Variants in RNF130 observed in about 807,000 individuals in gnomAD.
The protein encoded by RNF130 is E3 ubiquitin-protein ligase RNF130.
A neutral mutation model predicts 44.6 loss-of-function variants in RNF130; 21 were observed. The ratio of observed to expected loss-of-function variants is 0.47; its 90% CI spans 0.33 to 0.68. RNF130 has a LOEUF of 0.68. Ranked by LOEUF, RNF130 falls within the 30% of genes least tolerant of loss-of-function variation. The pLI is 0.02. For missense variants in RNF130, 479 were observed against 560.6 expected (o/e 0.85, Z 1.47); for synonymous variants, 214 against 210.4 (o/e 1.02, Z -0.15).
exon 8 of RNF130, chr5:179,918,003 C>T (rs1018949403): frequency 6.6e-6 from 1 of 152,028 alleles, no homozygotes; most frequent in Non-Finnish European, 1.5e-5. Context: ...GAGACTGTCT[C>T]AAAACAAAAA....
At chr5:180,017,135 A>T (rs1763758561) in intron 2 of RNF130, among the ~76,000 whole-genome samples, 1 of 152,210 alleles carries the variant, frequency 6.6e-6, no homozygotes, top group East Asian at 1.9e-4. Flanking sequence ...CGGTCCATTC[A>T]TCACAACACT....
At chr5:179,996,233 A>G (rs976195402) in intron 3 of RNF130, among the ~76,000 whole-genome samples, 1 of 152,142 alleles carries the variant, frequency 6.6e-6, no homozygotes, top group African/African-American at 2.4e-5. Flanking sequence ...AATAAGATGG[A>G]CTTCTTGATT....
At chr5:179,932,294 G>C (rs568011891) in intron 7 of RNF130, among the ~76,000 whole-genome samples, 93 of 152,052 alleles carry the variant, frequency 6.1e-4, no homozygotes, top group South Asian at 8.3e-4. Flanking sequence ...GTCTCGCCCT[G>C]TTGCCTAGGC....
chr5:179,998,868 T>C (rs1763265537), intron 3 of RNF130, among the ~76,000 whole-genome samples: 2 of 126,842 alleles, frequency 1.6e-5, no homozygotes, highest in Admixed American at 1.6e-4. Context: ...TTTATATATA[T>C]ATATATATAT....
In RNF130 at chr5:180,000,319, G is replaced by C. The variant is rs1763303540; in HGVS notation, c.693+12742C>G. On this transcript the variant is annotated intron_variant, in intron 3 of 8. Coordinates refer to ENST00000521389, the MANE Select transcript of RNF130 (RefSeq NM_018434.6). ...TTATGTGACTTGATGCTGTTCTCTT[G>C]CTGTTTTGTGAACTCTTTCACTCTC... Among the ~76,000 whole-genome samples, 4 of 152,258 alleles carry C rather than the reference G, an allele frequency of 2.6e-5. No individual in the cohort carries two copies. The Middle Eastern group carries it at 0.01, about 388-fold the overall frequency.
At chr5:180,052,783 T>C (rs923696032) in intron 1 of RNF130, among the ~76,000 whole-genome samples, 11 of 151,944 alleles carry the variant, frequency 7.2e-5, no homozygotes, top group African/African-American at 2.4e-4. Context: ...CTACGGAGGA[T>C]TACAGAAAAA....
At chr5:179,916,813 T>G (rs1056683807) in exon 8 of RNF130, 1 of 152,472 alleles carries the variant, frequency 6.6e-6, no homozygotes, top group Non-Finnish European at 1.5e-5. Context: ...CCTCCTGCGC[T>G]GGAAGCCCTG....
chr5:179,929,017 A>G (rs904286065), intron 7 of RNF130, among the ~76,000 whole-genome samples: 4 of 152,172 alleles, frequency 2.6e-5, no homozygotes, highest in Non-Finnish European at 4.4e-5. Flanking sequence ...GGGCTTTTTC[A>G]GTCCAGTTGA....
downstream of RNF130, among the ~76,000 whole-genome samples, chr5:179,950,490 A>T (rs959206119): frequency 2.6e-5 from 4 of 152,242 alleles, no homozygotes; most frequent in African/African-American, 9.6e-5. Flanking sequence ...GTGCAAATGC[A>T]TGCACATGTG....
intron 5 of RNF130, among the ~76,000 whole-genome samples, chr5:179,976,286 G>T (rs1475728705): frequency 1.3e-5 from 2 of 152,220 alleles, no homozygotes. Flanking sequence ...TCCCCTGAGG[G>T]AAGATCCCCT....
exon 8 of RNF130, chr5:179,918,178 A>G (rs570016720): frequency 1.3e-5 from 2 of 152,266 alleles, no homozygotes; most frequent in East Asian, 3.9e-4. Flanking sequence ...CAGGATCCAC[A>G]GCACTGTTCT....
chr5:179,915,258 G>T (rs1561656357), exon 8 of RNF130: 1 of 151,838 alleles, frequency 6.6e-6, no homozygotes, highest in East Asian at 1.9e-4. Context: ...GATCCTGGGA[G>T]GCGGAGCTTG....
chr5:180,040,475 C>T lies in RNF130; in HGVS notation c.420G>A (p.Glu140=), dbSNP rs182236041. The change falls in exon 2 of 9, where the codon GAG becomes GAA. Residue 140 remains glutamate, a synonymous_variant. Transcript: ENST00000521389. The stretch of plus-strand genomic sequence containing the variant: ...TACCTGGATGAGTCATGGTAACTGG[C>T]TCCTCTTTGGATTTATTATTGTAGA... ...VVIYNNKSKE[E]PVTMTHPGTG... 1.2e-6 allele frequency: 2 copies of T among 1,612,778 alleles called. No homozygotes were observed. Among genetic ancestry groups the T allele is most frequent in the Admixed American group, 1.7e-5 (1 of 59,786 alleles).
intron 3 of RNF130, among the ~76,000 whole-genome samples, chr5:179,988,260 T>C (rs1038810696): frequency 6.6e-6 from 1 of 152,230 alleles, no homozygotes; most frequent in Non-Finnish European, 1.5e-5. Flanking sequence ...TGATCCTTTG[T>C]ATTTTGTTGG....
chr5:179,950,505 C>T (rs546237251), downstream of RNF130, among the ~76,000 whole-genome samples: 107 of 152,270 alleles, frequency 7.0e-4, 1 homozygote, highest in African/African-American at 2.4e-3. Flanking sequence ...CATGTGCACA[C>T]AAAATATACC....
At chr5:179,994,716 T>A (rs1763163271) in intron 3 of RNF130, among the ~76,000 whole-genome samples, 1 of 152,196 alleles carries the variant, frequency 6.6e-6, no homozygotes, top group African/African-American at 2.4e-5. Context: ...GCAATGGTGG[T>A]AAAAGAAGTC....
intron 2 of RNF130, among the ~76,000 whole-genome samples, chr5:180,018,292 C>T (rs762256238): frequency 1.8e-3 from 100 of 55,158 alleles, no homozygotes; most frequent in Non-Finnish European, 2.8e-3. Flanking sequence ...GAGACTCCAT[C>T]TCAAAAAAAA....
intron 7 of RNF130, among the ~76,000 whole-genome samples, chr5:179,949,625 A>G (rs1762096041): frequency 6.6e-6 from 1 of 152,250 alleles, no homozygotes; most frequent in Admixed American, 6.5e-5. Flanking sequence ...TAAATAGTAA[A>G]CAAAAATTAT....
At chr5:180,057,042 C>T (rs1170642686) in intron 1 of RNF130, among the ~76,000 whole-genome samples, 1 of 152,214 alleles carries the variant, frequency 6.6e-6, no homozygotes, top group African/African-American at 2.4e-5. Context: ...GTGAGAGGAG[C>T]ATGTTTTCTT....
Sources: allele counts gnomAD v4.1 joint callset (sites outside exome capture counted in the v4.1 genomes callset), GRCh38; gene constraint gnomAD v4.1.1; transcripts MANE v1.5; gene names NCBI Gene and HGNC (gene_info 2026-07-23, HGNC 2026-07-21).